Variants in MID2 observed in about 807,000 individuals in gnomAD.
The protein encoded by MID2 is midline 2.
In MID2, 13 loss-of-function variants were observed where a neutral mutation model predicts 46.1. The ratio of observed to expected loss-of-function variants is 0.28; its 90% CI spans 0.18 to 0.45. The LOEUF is 0.45. Ranked by LOEUF, MID2 falls within the 20% of genes least tolerant of loss-of-function variation. The pLI, the probability that MID2 is intolerant of heterozygous loss-of-function variation, is 1.00. For synonymous variants in MID2, 199 were observed against 212.3 expected, an observed-to-expected ratio of 0.94 and a Z score of 0.55; for missense variants, 431 against 575.4, an observed-to-expected ratio of 0.75 and a Z score of 2.57.
At position 107,889,221 on chromosome X, in the gene MID2, G is replaced by T. The variant is rs199623265; in HGVS notation, c.817-14737G>T. On this transcript the variant is annotated intron_variant, in intron 3 of 9. Coordinates refer to ENST00000262843, the MANE Select transcript of MID2 (RefSeq NM_012216.4). ...ATGCAGTTTCTTCCTAGCCTCAATGGTCTTTACAATTTGGCATGATTTTGC... is the reference window on the plus strand; with the variant it reads ...ATGCAGTTTCTTCCTAGCCTCAATGTTCTTTACAATTTGGCATGATTTTGC... 1.6e-3 allele frequency among the ~76,000 whole-genome samples: 178 copies of T among 111,619 alleles called. 2 individuals are homozygous for T. In the East Asian group the frequency reaches 0.034, roughly 22 times the overall value.
intron 3 of MID2, among the ~76,000 whole-genome samples, chrX:107,877,373 C>G (rs1409185797): frequency 8.9e-6 from 1 of 111,793 alleles, no homozygotes; most frequent in Non-Finnish European, 1.9e-5. Flanking sequence ...TTCAGGATAC[C>G]CTCCAGAGGA....
At position 107,826,709 on chromosome X, in the gene MID2, G is replaced by A. The variant is rs377518909; in HGVS notation, c.4+279G>A. Among the ~76,000 whole-genome samples, 194 of 113,263 alleles carry A rather than the reference G, an allele frequency of 1.7e-3. 3 individuals carry two copies. In the South Asian group the frequency reaches 0.034, roughly 20 times the overall value. ...TCCGGGGTGCGGGGCGGGGGCGGCC[G>A]AGGCCTCTGCGCAGCCTGGCCGGGC... On this transcript the variant is annotated intron_variant, in intron 1 of 9. Coordinates refer to ENST00000262843, the MANE Select transcript of MID2 (RefSeq NM_012216.4).
intron 3 of MID2, among the ~76,000 whole-genome samples, chrX:107,875,564 C>T (rs1238895953): frequency 9.0e-6 from 1 of 111,380 alleles, no homozygotes; most frequent in African/African-American, 3.3e-5. Context: ...ATTGCCCAAA[C>T]TTCTGTGTTA....
chrX:107,869,590 G>A (rs140057404), intron 3 of MID2, among the ~76,000 whole-genome samples: 5 of 110,861 alleles, frequency 4.5e-5, no homozygotes, highest in Non-Finnish European at 7.6e-5. Context: ...CCAGAATCAC[G>A]GTATATCTTT....
At chrX:107,915,872 TATG>T in intron 5 of MID2, 127 bp from the exon 6 acceptor site, 2 of 589,740 alleles carry the variant, frequency 3.4e-6, no homozygotes, top group Non-Finnish European at 5.2e-6. Flanking sequence ...AAGGCAGAGA[TATG>T]ATATTTTCAC....
At chrX:107,915,425 C>T (rs1932952038) in intron 5 of MID2, among the ~76,000 whole-genome samples, 2 of 109,059 alleles carry the variant, frequency 1.8e-5, no homozygotes, top group African/African-American at 6.8e-5. Context: ...GGTGTGGTGG[C>T]GGGCCACCAG....
chrX:107,911,789 C>T (rs940866976), intron 5 of MID2, among the ~76,000 whole-genome samples: 1 of 111,201 alleles, frequency 9.0e-6, no homozygotes, highest in African/African-American at 3.3e-5. Context: ...TGATGGACTC[C>T]CAAGTGTCAG....
intron 2 of MID2, among the ~76,000 whole-genome samples, chrX:107,844,502 G>A (rs1194031784): frequency 2.7e-5 from 3 of 110,906 alleles, no homozygotes; most frequent in Non-Finnish European, 5.7e-5. Flanking sequence ...TCTATAAAAC[G>A]GCTTCATATT....
chrX:107,891,948 T>C (rs1012332307), intron 3 of MID2, among the ~76,000 whole-genome samples: 4 of 111,876 alleles, frequency 3.6e-5, no homozygotes, highest in African/African-American at 1.3e-4. Flanking sequence ...TTTTCCCTTT[T>C]GTCATCCAGA....
intron 5 of MID2, among the ~76,000 whole-genome samples, chrX:107,915,399 A>T (rs1466660874): frequency 9.0e-6 from 1 of 110,956 alleles, no homozygotes; most frequent in Non-Finnish European, 1.9e-5. Context: ...TCTACTAAAA[A>T]TACAAAAATT....
intron 8 of MID2, 40 bp from the exon 9 acceptor site, chrX:107,926,054 A>G (rs1933167960): frequency 9.7e-7 from 1 of 1,030,064 alleles, no homozygotes; most frequent in Non-Finnish European, 1.3e-6. Flanking sequence ...AAGATACTTC[A>G]TAGTGCTTTT....
intron 3 of MID2, among the ~76,000 whole-genome samples, chrX:107,858,241 G>A (rs1319366270): frequency 8.9e-6 from 1 of 111,946 alleles, no homozygotes; most frequent in East Asian, 2.8e-4. Flanking sequence ...AGCATGGGAA[G>A]GAGGTAGAGG....
chrX:107,919,704 G>C (rs906765922), intron 7 of MID2, among the ~76,000 whole-genome samples: 1 of 111,688 alleles, frequency 9.0e-6, no homozygotes, highest in South Asian at 3.8e-4. Flanking sequence ...AAAGTGGTCT[G>C]AGCACTGCAG....
intron 2 of MID2, 110 bp downstream of exon 2, chrX:107,841,495 A>G: frequency 1.8e-6 from 1 of 546,549 alleles, no homozygotes; most frequent in Middle Eastern, 5.0e-4. Flanking sequence ...GTTAACTTTA[A>G]GTTGTTCTCA....
At chrX:107,887,269 A>T in intron 3 of MID2, among the ~76,000 whole-genome samples, 1 of 111,907 alleles carries the variant, frequency 8.9e-6, no homozygotes. Context: ...TTTTTCATAA[A>T]TAGCTCTTAT....
intron 2 of MID2, among the ~76,000 whole-genome samples, chrX:107,845,733 A>G (rs944827714): frequency 9.9e-5 from 11 of 110,610 alleles, no homozygotes; most frequent in African/African-American, 2.3e-4. Context: ...TCACTCTGTC[A>G]TCCACCCACC....
At position 107,917,748 on chromosome X, in the gene MID2, T is replaced by G; in HGVS notation, c.1435+9T>G. On this transcript the variant is annotated intron_variant, in intron 7 of 9. Coordinates refer to ENST00000262843, the MANE Select transcript of MID2 (RefSeq NM_012216.4). ...GGCCGGGGCGCCACGAGGCAAGTGT[T>G]TGTAAGACATGTTAGGTTGTTTAGT... The G allele has an allele frequency of 3.3e-6, 4 of 1,198,197 alleles. No individual in the cohort carries two copies. The Middle Eastern group carries it at 9.3e-4, about 278-fold the overall frequency.
chrX:107,843,917 C>T (rs1462401225), intron 2 of MID2, among the ~76,000 whole-genome samples: 1 of 109,590 alleles, frequency 9.1e-6, no homozygotes, highest in Non-Finnish European at 1.9e-5. Context: ...CTGGCCCTGG[C>T]CCTGAGAGAA....
chrX:107,890,638 T>C (rs1932577594), intron 3 of MID2, among the ~76,000 whole-genome samples: 3 of 112,174 alleles, frequency 2.7e-5, no homozygotes, highest in Admixed American at 9.4e-5. Flanking sequence ...ACTCCTCTCT[T>C]CAAAGCTGTC....
Sources: gnomAD v4.1 joint callset for allele counts (sites outside exome capture counted in the v4.1 genomes callset) on GRCh38, gnomAD v4.1.1 for gene constraint, MANE v1.5 for transcripts, NCBI Gene and HGNC (gene_info 2026-07-23, HGNC 2026-07-21) for gene names.